The following ZNF131 variants were observed in gnomAD, a reference collection of about 807,000 sequenced individuals.
ZNF131 encodes the protein zinc finger and BTB domain containing 35.
ZNF131 carries 7 observed loss-of-function variants against 60.0 expected under a neutral mutation model. That is an observed-to-expected ratio of 0.12 (90% confidence interval 0.07 to 0.22). ZNF131 has a LOEUF of 0.22. ZNF131 is among the 10% of genes least tolerant of loss of function. The pLI is 1.00. For missense variants in ZNF131, 493 were observed against 740.9 expected, an observed-to-expected ratio of 0.67 and a Z score of 3.88; for synonymous variants, 257 against 253.2, an observed-to-expected ratio of 1.01 and a Z score of -0.14.
chr5:43,160,507 A>G (rs969082469), intron 4 of ZNF131, among the ~76,000 whole-genome samples: 6 of 151,976 alleles, frequency 3.9e-5, no homozygotes, highest in East Asian at 2.0e-4. Flanking sequence ...TCACTAACCA[A>G]TGTCACTAAG....
intron 4 of ZNF131, among the ~76,000 whole-genome samples, chr5:43,149,109 G>A (rs1047448406): frequency 1.1e-4 from 17 of 152,100 alleles, no homozygotes; most frequent in South Asian, 6.2e-4. Flanking sequence ...GCGAAACCCC[G>A]TCTGTACAAA....
chr5:43,136,409 T>C (rs1037313750), intron 3 of ZNF131, among the ~76,000 whole-genome samples: 2 of 148,710 alleles, frequency 1.3e-5, no homozygotes, highest in Non-Finnish European at 3.0e-5. Context: ...AAAATTCATA[T>C]GGAACCACAG....
At chr5:43,152,299 A>C (rs1217361287) in intron 4 of ZNF131, among the ~76,000 whole-genome samples, 1 of 152,102 alleles carries the variant, frequency 6.6e-6, no homozygotes, top group Non-Finnish European at 1.5e-5. Context: ...CACCACTCCC[A>C]GCCGAGTCTG....
At chr5:43,143,115 C>T (rs1250912963) in intron 4 of ZNF131, among the ~76,000 whole-genome samples, 6 of 151,518 alleles carry the variant, frequency 4.0e-5, no homozygotes, top group South Asian at 2.1e-4. Flanking sequence ...CTCTGCTTCC[C>T]GGGTTCAAGC....
chr5:43,127,179 G>A (rs1238814775), intron 3 of ZNF131, among the ~76,000 whole-genome samples: 3 of 152,068 alleles, frequency 2.0e-5, no homozygotes, highest in African/African-American at 7.3e-5. Context: ...GCTAGAACTG[G>A]GACCCCGTCC....
Position 43,175,691 on chromosome 5 carries a change from AGTG to A in ZNF131, c.*566_*568del. On this transcript the variant is annotated 3_prime_UTR_variant, in exon 7 of 7. Coordinates refer to ENST00000682664, the MANE Select transcript of ZNF131 (RefSeq NM_001330707.2). ...CAGATGCCATCTTTGCAACAGAAAG[AGTG>A]GTGGTGGCAAAATTTCTAGAATGTT... The A allele has an allele frequency of 3.1e-6, 1 of 322,568 alleles. No homozygotes were observed. Among genetic ancestry groups the A allele is most frequent in the Non-Finnish European group, 5.6e-6 (1 of 180,166 alleles). The allele number at this position is 322,568 out of a possible 1,614,324, so 20.0% of individuals were successfully genotyped here. A position where few individuals can be genotyped will look rare whatever the true frequency, so the allele number is the denominator to read the frequency against.
chr5:43,132,968 G>A (rs1745556270), intron 3 of ZNF131, among the ~76,000 whole-genome samples: 1 of 152,142 alleles, frequency 6.6e-6, no homozygotes, highest in Admixed American at 6.6e-5. Flanking sequence ...TATTGTGTGC[G>A]GTTTGGACTT....
chr5:43,137,821 T>C (rs549228825), intron 3 of ZNF131, among the ~76,000 whole-genome samples: 14 of 152,154 alleles, frequency 9.2e-5, no homozygotes, highest in Non-Finnish European at 1.6e-4. Flanking sequence ...CGAGAGGAAA[T>C]AAATATTCGT....
chr5:43,124,492 C>T (rs1051742842), intron 3 of ZNF131: 2 of 151,844 alleles, frequency 1.3e-5, no homozygotes, highest in Non-Finnish European at 2.9e-5. Context: ...TGGTATATTC[C>T]AGTTTAGCAT....
chr5:43,153,596 G>A (rs1561425493), intron 4 of ZNF131, among the ~76,000 whole-genome samples: 1 of 151,874 alleles, frequency 6.6e-6, no homozygotes, highest in Non-Finnish European at 1.5e-5. Flanking sequence ...AAGCGAGATC[G>A]TGCCATTGCA....
chr5:43,137,851 G>C (rs775906295), intron 3 of ZNF131, among the ~76,000 whole-genome samples: 3 of 152,196 alleles, frequency 2.0e-5, no homozygotes, highest in Non-Finnish European at 4.4e-5. Flanking sequence ...AATGGATAAA[G>C]AAAATGTAGT....
At chr5:43,132,078 G>A (rs976907572) in intron 3 of ZNF131, among the ~76,000 whole-genome samples, 3 of 152,138 alleles carry the variant, frequency 2.0e-5, no homozygotes, top group Admixed American at 6.5e-5. Context: ...TAAGTGTTAC[G>A]TATGTGTGTT....
chr5:43,120,944 A>G lies in ZNF131; in HGVS notation c.-195A>G, dbSNP rs544731020. ...CGCGGCCGCCCGGGTGCCCAACCGA[A>G]CGCACGTGCGCCAGCGGGGCCCGAG... On this transcript the variant is annotated 5_prime_UTR_variant, in exon 1 of 7. Coordinates refer to ENST00000682664, the MANE Select transcript of ZNF131 (RefSeq NM_001330707.2). 2 of 152,206 alleles carry G rather than the reference A, an allele frequency of 1.3e-5. No homozygotes were observed. Among genetic ancestry groups the G allele is most frequent in the Non-Finnish European group, 2.9e-5 (2 of 68,046 alleles). 9.4% of individuals were successfully genotyped at this position (152,206 alleles called of 1,614,324 possible). A position where few individuals can be genotyped will look rare whatever the true frequency, so the allele number is the denominator to read the frequency against.
intron 4 of ZNF131, among the ~76,000 whole-genome samples, chr5:43,149,872 G>A (rs1348447484): frequency 6.6e-6 from 1 of 151,770 alleles, no homozygotes; most frequent in Non-Finnish European, 1.5e-5. Context: ...TTTTAAAATG[G>A]GATTATTGTC....
intron 3 of ZNF131, chr5:43,124,921 T>A (rs1164444919): frequency 1.3e-5 from 2 of 151,958 alleles, no homozygotes; most frequent in African/African-American, 4.8e-5. Flanking sequence ...TCCCAGCTAT[T>A]CAGGAGGCTG....
At chr5:43,170,471 C>G (rs967960770) in intron 5 of ZNF131, among the ~76,000 whole-genome samples, 2 of 152,160 alleles carry the variant, frequency 1.3e-5, no homozygotes, top group Non-Finnish European at 2.9e-5. Flanking sequence ...GGAGGAAATT[C>G]ATATCTCAAA....
Position 43,130,263 on chromosome 5 carries a change from C to CAAAAAAAAAAAAA in ZNF131, c.226+6953_226+6954insAAAAAAAAAAAAA, listed in dbSNP as rs765959932. Among the ~76,000 whole-genome samples, 43 of 33,132 alleles carry CAAAAAAAAAAAAA rather than the reference C, an allele frequency of 1.3e-3. 4 individuals carry two copies. Among genetic ancestry groups the CAAAAAAAAAAAAA allele is most frequent in the Non-Finnish European group, 1.7e-3 (34 of 19,572 alleles). 21.7% of individuals were successfully genotyped at this position (33,132 alleles called of 152,430 possible). ...TGAGCGATAGAGTAAGACTCTGTCT[C>CAAAAAAAAAAAAA]CAAAAAAAAAAAAAAAAAAGAGGAA... On this transcript the variant is annotated intron_variant, in intron 3 of 6. Transcript: ENST00000682664.
At chr5:43,150,637 A>G (rs1380260870) in intron 4 of ZNF131, among the ~76,000 whole-genome samples, 2 of 152,056 alleles carry the variant, frequency 1.3e-5, no homozygotes, top group African/African-American at 2.4e-5. Context: ...TAAAAATACA[A>G]AAAAATTAGC....
intron 4 of ZNF131, among the ~76,000 whole-genome samples, chr5:43,139,739 A>G (rs1202991669): frequency 6.6e-6 from 1 of 152,244 alleles, no homozygotes; most frequent in Non-Finnish European, 1.5e-5. Flanking sequence ...TCAAGTTAGA[A>G]GTATGATAGC....
Sources: gnomAD v4.1 joint callset for allele counts (sites outside exome capture counted in the v4.1 genomes callset) on GRCh38, gnomAD v4.1.1 for gene constraint, MANE v1.5 for transcripts, NCBI Gene and HGNC (gene_info 2026-07-23, HGNC 2026-07-21) for gene names.